Variants in NHEJ1 observed in about 807,000 individuals in gnomAD.
NHEJ1 encodes the protein non-homologous end joining factor 1.
In NHEJ1, 22 loss-of-function variants were observed where a neutral mutation model predicts 39.4. That is an observed-to-expected ratio of 0.56 (90% confidence interval 0.40 to 0.80). NHEJ1 has a LOEUF of 0.80. Among genes scored for constraint, NHEJ1 ranks in the 30% least tolerant of loss-of-function variants. The pLI is 0.00. For missense variants in NHEJ1, 329 were observed against 357.1 expected (o/e 0.92, Z 0.63); for synonymous variants, 154 against 135.6 (o/e 1.14, Z -0.94).
chr2:219,117,087 C>A (rs1235064204), intron 5 of NHEJ1, among the ~76,000 whole-genome samples: 1 of 152,076 alleles, frequency 6.6e-6, no homozygotes, highest in Non-Finnish European at 1.5e-5. Context: ...ACCACCCTGC[C>A]CACTGCTTGC....
intron 5 of NHEJ1, among the ~76,000 whole-genome samples, chr2:219,082,188 C>A (rs139247380): frequency 6.6e-6 from 1 of 152,300 alleles, no homozygotes; most frequent in African/African-American, 2.4e-5. Flanking sequence ...TTTTCAACAG[C>A]CACAAGAGCT....
chr2:219,157,363 A>G (rs1262425255), intron 3 of NHEJ1, 109 bp downstream of exon 3: 1 of 938,606 alleles, frequency 1.1e-6, no homozygotes, highest in Non-Finnish European at 1.7e-6. Flanking sequence ...AAGTTTTCTG[A>G]TTGGAGAAGA....
chr2:219,151,875 C>T (rs6752082), intron 3 of NHEJ1, among the ~76,000 whole-genome samples: 6,256 of 152,012 alleles, frequency 0.041, 436 homozygotes, highest in African/African-American at 0.14. Flanking sequence ...GACTGAGGCA[C>T]AAGAATCACT....
intron 3 of NHEJ1, among the ~76,000 whole-genome samples, chr2:219,154,593 C>A (rs995650906): frequency 6.6e-6 from 1 of 152,128 alleles, no homozygotes; most frequent in Admixed American, 6.5e-5. Flanking sequence ...CATCCTTACC[C>A]GTGTCCACTG....
chr2:219,135,852 G>A (rs1230888604), intron 5 of NHEJ1, among the ~76,000 whole-genome samples: 1 of 152,170 alleles, frequency 6.6e-6, no homozygotes, highest in African/African-American at 2.4e-5. Flanking sequence ...CCAAATGAGA[G>A]ACTAATGGTG....
chr2:219,151,868 T>C (rs1239394710), intron 3 of NHEJ1, among the ~76,000 whole-genome samples: 6 of 152,074 alleles, frequency 3.9e-5, no homozygotes, highest in Admixed American at 3.3e-4. Flanking sequence ...CTCAGGAGAC[T>C]GAGGCACAAG....
At chr2:219,141,232 T>C (rs1949688278) in intron 5 of NHEJ1, among the ~76,000 whole-genome samples, 1 of 151,868 alleles carries the variant, frequency 6.6e-6, no homozygotes, top group South Asian at 2.1e-4. Flanking sequence ...ATACAAAAAT[T>C]AGCTGGGCGT....
Position 219,087,705 on chromosome 2 carries a change from T to G in NHEJ1, c.589-9499A>C, listed in dbSNP as rs558177691. On this transcript the variant is annotated intron_variant, in intron 5 of 7. Coordinates refer to ENST00000356853, the MANE Select transcript of NHEJ1 (RefSeq NM_024782.3). ...ACTCAAAATAAGGTACTGATCTTCA[T>G]GACCTTGAGGAGGTAAAGATTTCTT... is the stretch of plus-strand genomic sequence containing the variant. Among the ~76,000 whole-genome samples the G allele has an allele frequency of 2.4e-4, 36 of 152,258 alleles. 2 individuals carry two copies. The South Asian group carries it at 7.3e-3, about 31-fold the overall frequency.
At chr2:219,105,865 T>C (rs1461386553) in intron 5 of NHEJ1, among the ~76,000 whole-genome samples, 1 of 152,240 alleles carries the variant, frequency 6.6e-6, no homozygotes, top group African/African-American at 2.4e-5. Context: ...TTTCGTTCTA[T>C]ACTGTATTTC....
rs1366370861 is a variant in NHEJ1, at chr2:219,071,430, G to A, written c.*4951C>T. Among the ~76,000 whole-genome samples the A allele has an allele frequency of 6.6e-6, 1 of 152,198 alleles. No individual in the cohort carries two copies. The highest frequency in any genetic ancestry group is 6.5e-5 in the Admixed American group (1 of 15,274). On this transcript the variant is annotated 3_prime_UTR_variant, in exon 8 of 8. Transcript: ENST00000356853. Reference sequence around the variant, plus strand: ...ATATTCTCGGTCTCTATTGTTTTGAGTGAGGCCCAATATTTCCACAGCAGG... The same window carrying A: ...ATATTCTCGGTCTCTATTGTTTTGAATGAGGCCCAATATTTCCACAGCAGG...
At chr2:219,080,593 A>C (rs1949054741) in intron 5 of NHEJ1, among the ~76,000 whole-genome samples, 1 of 99,792 alleles carries the variant, frequency 1.0e-5, no homozygotes, top group African/African-American at 3.2e-5. Flanking sequence ...ACGCTTATAT[A>C]TATATGCTAA....
chr2:219,096,000 T>C (rs1320747825), intron 5 of NHEJ1, among the ~76,000 whole-genome samples: 1 of 151,988 alleles, frequency 6.6e-6, no homozygotes, highest in Non-Finnish European at 1.5e-5. Flanking sequence ...TCAAGAAACA[T>C]TTCCTAAAAC....
At chr2:219,149,506 C>T (rs1949774961) in intron 3 of NHEJ1, among the ~76,000 whole-genome samples, 2 of 152,102 alleles carry the variant, frequency 1.3e-5, no homozygotes, top group South Asian at 2.1e-4. Flanking sequence ...ATCCCAGCTA[C>T]TCGGGAGACT....
intron 5 of NHEJ1, among the ~76,000 whole-genome samples, chr2:219,129,813 TCCG>T (rs1352188500): frequency 6.6e-6 from 1 of 152,362 alleles, no homozygotes; most frequent in East Asian, 1.9e-4. Flanking sequence ...AGACGCCAGC[TCCG>T]CCACCTTCAC....
chr2:219,102,977 C>A (rs1949278391), intron 5 of NHEJ1, among the ~76,000 whole-genome samples: 1 of 131,948 alleles, frequency 7.6e-6, no homozygotes, highest in African/African-American at 3.1e-5. Flanking sequence ...TGCACTCCAG[C>A]CTGGGCGACA....
intron 5 of NHEJ1, among the ~76,000 whole-genome samples, chr2:219,127,845 A>G (rs1949539562): frequency 6.6e-6 from 1 of 152,270 alleles, no homozygotes; most frequent in Non-Finnish European, 1.5e-5. Context: ...CATCATGGTC[A>G]TTAATTTTAT....
chr2:219,091,720 A>C (rs1949161539), intron 5 of NHEJ1, among the ~76,000 whole-genome samples: 1 of 152,226 alleles, frequency 6.6e-6, no homozygotes, highest in Admixed American at 6.5e-5. Flanking sequence ...CCAAGGGGAC[A>C]CTGTTTTCCA....
rs115775914 is a variant in NHEJ1, at chr2:219,090,251, G to T, written c.589-12045C>A. On this transcript the variant is annotated intron_variant, in intron 5 of 7. Coordinates refer to ENST00000356853, the MANE Select transcript of NHEJ1 (RefSeq NM_024782.3). ...TCCAGCAAAAACAGTGTGGGCTCTG[G>T]AGTTAAATTGCTTACACTCAAATCC... Among the ~76,000 whole-genome samples, 1,282 of 152,258 alleles carry T rather than the reference G, an allele frequency of 8.4e-3. 25 individuals carry two copies. Among genetic ancestry groups the T allele is most frequent in the African/African-American group, 0.029 (1,191 of 41,546 alleles).
intron 3 of NHEJ1, among the ~76,000 whole-genome samples, chr2:219,148,245 T>TGAGAC (rs1439078680): frequency 6.6e-6 from 1 of 150,776 alleles, no homozygotes; most frequent in Non-Finnish European, 1.5e-5. Flanking sequence ...GGTGACAGAG[T>TGAGAC]GAGACTCTTT....
Sources: allele counts gnomAD v4.1 joint callset (sites outside exome capture counted in the v4.1 genomes callset), GRCh38; gene constraint gnomAD v4.1.1; transcripts MANE v1.5; gene names NCBI Gene and HGNC (gene_info 2026-07-23, HGNC 2026-07-21).